The following ARHGEF38 variants were observed in gnomAD, a reference collection of about 807,000 sequenced individuals.
The protein encoded by ARHGEF38 is Rho guanine nucleotide exchange factor (GEF) 38.
A neutral mutation model predicts 79.9 loss-of-function variants in ARHGEF38; 79 were observed. The observed-to-expected ratio is 0.99, with a 90% confidence interval of 0.82 to 1.19. The LOEUF (loss-of-function observed/expected upper bound fraction) is 1.19, where lower values mean the gene tolerates loss of function less well. Among genes scored for constraint, ARHGEF38 ranks in the 50% most tolerant of loss-of-function variants. The pLI is 0.00. For synonymous variants in ARHGEF38, 366 were observed against 328.3 expected (o/e 1.11, Z -1.24); for missense variants, 962 against 907.2 (o/e 1.06, Z -0.78).
At chr4:105,565,562 A>G (rs947034128) in intron 1 of ARHGEF38, among the ~76,000 whole-genome samples, 2 of 152,046 alleles carry the variant, frequency 1.3e-5, no homozygotes, top group African/African-American at 4.8e-5. Context: ...CTGTATATTG[A>G]ATTATGGGTG....
At chr4:105,652,683 A>G (rs1578349554) in intron 7 of ARHGEF38, among the ~76,000 whole-genome samples, 1 of 151,734 alleles carries the variant, frequency 6.6e-6, no homozygotes, top group East Asian at 1.9e-4. Context: ...GATGATATAC[A>G]AAATAAAATA....
chr4:105,583,246 AT>A (rs1404165238), intron 1 of ARHGEF38, among the ~76,000 whole-genome samples: 1 of 152,184 alleles, frequency 6.6e-6, no homozygotes, highest in Admixed American at 6.5e-5. Context: ...TATATCCTTA[AT>A]TTAAAAACAT....
At chr4:105,682,289 G>A (rs1560770261), downstream of ARHGEF38, among the ~76,000 whole-genome samples, 1 of 152,080 alleles carries the variant, frequency 6.6e-6, no homozygotes, top group East Asian at 1.9e-4. Context: ...GAGGGAGAGG[G>A]AGAGTCAGTT....
At chr4:105,587,826 A>G (rs1182679610) in intron 1 of ARHGEF38, among the ~76,000 whole-genome samples, 2 of 152,292 alleles carry the variant, frequency 1.3e-5, no homozygotes, top group South Asian at 2.1e-4. Flanking sequence ...TTTGGATGCT[A>G]TTTGTCAAAA....
intron 1 of ARHGEF38, among the ~76,000 whole-genome samples, chr4:105,564,304 TTAAC>T (rs1174031469): frequency 1.3e-5 from 2 of 152,178 alleles, no homozygotes; most frequent in African/African-American, 4.8e-5. Context: ...ACAGAACAGT[TTAAC>T]TGACACAATA....
At chr4:105,643,275 C>G (rs1422874984) in intron 5 of ARHGEF38, among the ~76,000 whole-genome samples, 1 of 151,946 alleles carries the variant, frequency 6.6e-6, no homozygotes, top group African/African-American at 2.4e-5. Flanking sequence ...CTCTTTTTCC[C>G]TCTTTCTGCC....
intron 2 of ARHGEF38, among the ~76,000 whole-genome samples, chr4:105,592,343 A>G (rs1002507217): frequency 2.6e-5 from 4 of 151,908 alleles, no homozygotes; most frequent in Non-Finnish European, 5.9e-5. Flanking sequence ...CATCCCCTCA[A>G]AATCAGAATT....
intron 12 of ARHGEF38, 45 bp downstream of exon 12, chr4:105,667,372 T>G: frequency 6.5e-7 from 1 of 1,533,010 alleles, no homozygotes; most frequent in Non-Finnish European, 8.7e-7. Context: ...AACTGAGATT[T>G]TTCTGAGGGC....
intron 2 of ARHGEF38, among the ~76,000 whole-genome samples, chr4:105,599,283 A>G (rs1395425551): frequency 1.3e-5 from 2 of 152,196 alleles, no homozygotes; most frequent in African/African-American, 2.4e-5. Context: ...GCTCCTTTTT[A>G]GGACAGCTTC....
chr4:105,659,719 A>G (rs1730485687), intron 10 of ARHGEF38, among the ~76,000 whole-genome samples: 3 of 152,142 alleles, frequency 2.0e-5, no homozygotes, highest in African/African-American at 7.2e-5. Context: ...TAGTTCTTAG[A>G]TGTTAACTGT....
intron 6 of ARHGEF38, among the ~76,000 whole-genome samples, chr4:105,647,554 G>A (rs1729901935): frequency 6.6e-6 from 1 of 152,110 alleles, no homozygotes; most frequent in Non-Finnish European, 1.5e-5. Context: ...ACTTGATTAT[G>A]GAAAGCAGAT....
intron 2 of ARHGEF38, among the ~76,000 whole-genome samples, chr4:105,606,843 T>G (rs970204048): frequency 6.6e-6 from 1 of 152,130 alleles, no homozygotes; most frequent in African/African-American, 2.4e-5. Context: ...GAAAAACATA[T>G]CTGAAAACAT....
chr4:105,664,991 TTGTTGTTGC>T (rs1472538876), intron 10 of ARHGEF38, among the ~76,000 whole-genome samples: 3 of 152,116 alleles, frequency 2.0e-5, no homozygotes, highest in East Asian at 3.9e-4. Context: ...GAAAGCTGTT[TTGTTGTTGC>T]TGTTGTTGTT....
intron 1 of ARHGEF38, 66 bp downstream of exon 1, chr4:105,553,027 AT>A: frequency 7.6e-7 from 1 of 1,316,554 alleles, no homozygotes. Flanking sequence ...TACGTTTCCA[AT>A]TGCAAAGAAA....
At chr4:105,604,912 T>C (rs1727976399) in intron 2 of ARHGEF38, among the ~76,000 whole-genome samples, 1 of 152,164 alleles carries the variant, frequency 6.6e-6, no homozygotes, top group Non-Finnish European at 1.5e-5. Context: ...CACTGATTGT[T>C]CCAAAAAGTT....
rs1203192446 is a variant in ARHGEF38 at position 105,678,643 on chromosome 4, T to G, written c.*706T>G. The G allele has an allele frequency of 6.6e-6, 1 of 152,214 alleles. No individual in the cohort carries two copies. The highest frequency in any genetic ancestry group is 1.5e-5 in the Non-Finnish European group (1 of 68,036). 9.4% of individuals were successfully genotyped at this position (152,214 alleles called of 1,614,324 possible). A position where few individuals can be genotyped will look rare whatever the true frequency, so the allele number is the denominator to read the frequency against. ...AACTTGTTTAATATTCAAAACATTA[T>G]GAAGAAACCATGGCCCAAAAAGGTG... On this transcript the variant is annotated 3_prime_UTR_variant, in exon 14 of 14. Coordinates refer to ENST00000420470, the MANE Select transcript of ARHGEF38 (RefSeq NM_001242729.2).
At chr4:105,581,491 T>C (rs1339918498) in intron 1 of ARHGEF38, among the ~76,000 whole-genome samples, 1 of 152,234 alleles carries the variant, frequency 6.6e-6, no homozygotes, top group Non-Finnish European at 1.5e-5. Context: ...TCTATTGCAT[T>C]CTATAAAATT....
intron 13 of ARHGEF38, among the ~76,000 whole-genome samples, chr4:105,669,590 G>GT (rs897755066): frequency 1.3e-3 from 192 of 149,528 alleles, no homozygotes; most frequent in African/African-American, 4.4e-3. Flanking sequence ...TTGGTTTGGT[G>GT]TTTTTTTTCA....
intron 10 of ARHGEF38, among the ~76,000 whole-genome samples, chr4:105,661,242 T>G (rs1730550194): frequency 6.6e-6 from 1 of 152,190 alleles, no homozygotes; most frequent in Non-Finnish European, 1.5e-5. Context: ...GACGGGCATT[T>G]GGGTTATTTC....
Sources: allele counts gnomAD v4.1 joint callset (sites outside exome capture counted in the v4.1 genomes callset), GRCh38; gene constraint gnomAD v4.1.1; transcripts MANE v1.5; gene names NCBI Gene and HGNC (gene_info 2026-07-23, HGNC 2026-07-21).